RHOQ: variants seen among roughly 807,000 people sequenced by gnomAD.
The protein encoded by RHOQ is rho-related GTP-binding protein RhoQ.
Under a neutral mutation model 25.8 loss-of-function variants are expected in RHOQ, and 7 were observed. The ratio of observed to expected loss-of-function variants is 0.27; its 90% confidence interval spans 0.15 to 0.51. The LOEUF (loss-of-function observed/expected upper bound fraction) is 0.51, where lower values mean the gene tolerates loss of function less well. Ranked by LOEUF, RHOQ falls within the 20% of genes least tolerant of loss-of-function variation. The pLI, the probability that RHOQ is intolerant of heterozygous loss-of-function variation, is 0.97. For synonymous variants in RHOQ, 97 were observed against 98.6 expected (o/e 0.98, Z 0.10); for missense variants, 165 against 260.6 (o/e 0.63, Z 2.53).
intron 4 of RHOQ, among the ~76,000 whole-genome samples, chr2:46,578,642 G>GCTA (rs1669228411): frequency 7.1e-6 from 1 of 140,968 alleles, no homozygotes; most frequent in Non-Finnish European, 1.5e-5. Flanking sequence ...TGTAGTCCCA[G>GCTA]CTACTTGGGG....
At chr2:46,579,367 G>C (rs1055791540) in intron 4 of RHOQ, among the ~76,000 whole-genome samples, 1 of 152,188 alleles carries the variant, frequency 6.6e-6, no homozygotes, top group Non-Finnish European at 1.5e-5. Flanking sequence ...CAGTCTTGTA[G>C]CTTGCACAGT....
chr2:46,557,803 A>G lies in RHOQ; in HGVS notation c.201+13991A>G, dbSNP rs571822926. On this transcript the variant is annotated intron_variant, in intron 2 of 4. Coordinates refer to ENST00000238738, the MANE Select transcript of RHOQ (RefSeq NM_012249.4). ...AACTCTGCTGTTTATTTTGATAACA[A>G]ATATTCTCTGTTGAATTCACATGAT... Among the ~76,000 whole-genome samples, 13 of 152,332 alleles carry G rather than the reference A, an allele frequency of 8.5e-5. No individual in the cohort carries two copies. In the East Asian group the frequency reaches 2.3e-3, roughly 27 times the overall value.
rs576740123 is a variant in RHOQ, at chr2:46,566,623, G to A, written c.202-9464G>A. Among the ~76,000 whole-genome samples the A allele has an allele frequency of 2.6e-5, 4 of 152,072 alleles. No homozygotes were observed. The highest frequency in any genetic ancestry group is 1.3e-4 in the Admixed American group (2 of 15,280). ...TTTTCAAATTTTGTGACTTTTTTGC[G>A]GGGGTCGGGGGCTCACCTTTTAATG... On this transcript the variant is annotated intron_variant, in intron 2 of 4. Transcript: ENST00000238738. This position sits in a 1 kb window ranked among gnomAD's most constrained non-coding sequence, Gnocchi z 4.2.
intron 2 of RHOQ, among the ~76,000 whole-genome samples, chr2:46,546,458 A>ATGTG (rs1668049943): frequency 2.0e-4 from 1 of 5,110 alleles, no homozygotes; most frequent in African/African-American, 7.2e-4. Flanking sequence ...ATACATATAT[A>ATGTG]TATATATATA....
At chr2:46,560,814 T>TTA (rs1183412170) in intron 2 of RHOQ, 1 of 202,980 alleles carries the variant, frequency 4.9e-6, no homozygotes, top group East Asian at 1.3e-4. Context: ...CTCCATTAGG[T>TTA]TATAGCTTTC....
chr2:46,544,539 C>G (rs1667985946), intron 2 of RHOQ, among the ~76,000 whole-genome samples: 1 of 152,224 alleles, frequency 6.6e-6, no homozygotes. Flanking sequence ...TGCCCTGCAG[C>G]CTCTGGCCAG....
intron 1 of RHOQ, 156 bp from the exon 2 acceptor site, chr2:46,543,598 G>A: frequency 2.9e-6 from 2 of 678,702 alleles, no homozygotes; most frequent in Admixed American, 2.3e-5. Context: ...GGTTCACAGT[G>A]AGCTGGCCGC....
intron 2 of RHOQ, among the ~76,000 whole-genome samples, chr2:46,562,810 T>C (rs1668615381): frequency 6.6e-6 from 1 of 152,202 alleles, no homozygotes; most frequent in African/African-American, 2.4e-5. Context: ...TTGCCTGCCA[T>C]GTAAACCTAC....
rs1326779773 is a variant in RHOQ at position 46,552,173 on chromosome 2, G to A, written c.201+8361G>A. Among the ~76,000 whole-genome samples, 3 of 152,204 alleles carry A rather than the reference G, an allele frequency of 2.0e-5. No homozygotes were observed. Among genetic ancestry groups the A allele is most frequent in the Non-Finnish European group, 2.9e-5 (2 of 68,036 alleles). On this transcript the variant is annotated intron_variant, in intron 2 of 4. Coordinates refer to ENST00000238738, the MANE Select transcript of RHOQ (RefSeq NM_012249.4). This position sits in a 1 kb window ranked among gnomAD's most constrained non-coding sequence, Gnocchi z 5.0. ...GTGTATAGGTGGAACACGTAGGGAC[G>A]GCTGCTAAAACGGCTCCTACAAAGA...
At position 46,576,534 on chromosome 2, in the gene RHOQ, G is replaced by A. The variant is rs1455536277; in HGVS notation, c.367-27G>A. The A allele has an allele frequency of 2.3e-6, 3 of 1,323,038 alleles. No individual in the cohort carries two copies. Among genetic ancestry groups the A allele is most frequent in the South Asian group, 1.3e-5 (1 of 78,814 alleles). The allele number at this position is 1,323,038 out of a possible 1,614,324, so 82.0% of individuals were successfully genotyped here. ...TTTCTTTAAAGATTTGTAATATTAT[G>A]GGACATTATTGACCTTTCTTAATTA... On this transcript the variant is annotated intron_variant, in intron 3 of 4. Coordinates refer to ENST00000238738, the MANE Select transcript of RHOQ (RefSeq NM_012249.4). This position sits in a 1 kb window ranked among gnomAD's most constrained non-coding sequence, Gnocchi z 5.1.
In RHOQ at chr2:46,580,856, A is replaced by G; in HGVS notation, c.463-72A>G. On this transcript the variant is annotated intron_variant, in intron 4 of 4. Transcript: ENST00000238738. ...GCTGTATTTTATAATTTTCTTTATA[A>G]TGATGTGTTTATGTCATGCCAATTG... The G allele has an allele frequency of 1.9e-6, 2 of 1,057,946 alleles. 1 individual carries two copies. The allele number at this position is 1,057,946 out of a possible 1,614,324, so 65.5% of individuals were successfully genotyped here. A position where few individuals can be genotyped will look rare whatever the true frequency, so the allele number is the denominator to read the frequency against.
chr2:46,546,502 A>ACG (rs1668068388), intron 2 of RHOQ, among the ~76,000 whole-genome samples: 1 of 21,490 alleles, frequency 4.7e-5, no homozygotes, highest in Non-Finnish European at 8.5e-5. Flanking sequence ...ATATATATAT[A>ACG]TATATATATG....
chr2:46,581,616 A>G lies in RHOQ; in HGVS notation c.*533A>G. 1.2e-6 allele frequency: 2 copies of G among 1,604,682 alleles called. No homozygotes were observed. The highest frequency in any genetic ancestry group is 8.5e-7 in the Non-Finnish European group (1 of 1,175,942). The stretch of plus-strand genomic sequence containing the variant: ...CCTGAGGAGAGAATGTATGAGATCA[A>G]AAAAGAACAAATGTTTTATTATTAC... On this transcript the variant is annotated 3_prime_UTR_variant, in exon 5 of 5. Transcript: ENST00000238738.
At chr2:46,572,112 T>G (rs1403923291) in intron 2 of RHOQ, among the ~76,000 whole-genome samples, 3 of 129,912 alleles carry the variant, frequency 2.3e-5, no homozygotes, top group South Asian at 2.7e-4. Context: ...TGTGTGTTTT[T>G]TTTTTTTTTT....
intron 2 of RHOQ, among the ~76,000 whole-genome samples, chr2:46,570,618 T>A (rs958434171): frequency 2.6e-5 from 4 of 152,050 alleles, no homozygotes; most frequent in African/African-American, 9.7e-5. Flanking sequence ...GGTGGAGGGT[T>A]TCAAGAGCTC....
chr2:46,547,007 C>G (rs2103981413), intron 2 of RHOQ, among the ~76,000 whole-genome samples: 1 of 152,232 alleles, frequency 6.6e-6, no homozygotes, highest in East Asian at 1.9e-4. Flanking sequence ...CCTGTTGTAT[C>G]AGATGGTTTT....
chr2:46,549,251 C>A (rs1668165695), intron 2 of RHOQ, among the ~76,000 whole-genome samples: 1 of 152,152 alleles, frequency 6.6e-6, no homozygotes, highest in South Asian at 2.1e-4. Context: ...GGGGGAGTGA[C>A]AGCCTAAGGG....
At chr2:46,571,152 G>A (rs1321545821) in intron 2 of RHOQ, among the ~76,000 whole-genome samples, 1 of 152,168 alleles carries the variant, frequency 6.6e-6, no homozygotes, top group Admixed American at 6.5e-5. Flanking sequence ...TTTTCTTAGT[G>A]TCCCCTCATT....
chr2:46,560,171 G>T (rs1359537939), intron 2 of RHOQ, among the ~76,000 whole-genome samples: 1 of 152,234 alleles, frequency 6.6e-6, no homozygotes, highest in Non-Finnish European at 1.5e-5. Context: ...CTGCTGTGCA[G>T]TCCGGTGTTT....
Sources: allele counts gnomAD v4.1 joint callset (sites outside exome capture counted in the v4.1 genomes callset), GRCh38; gene constraint gnomAD v4.1.1; non-coding constraint Gnocchi (gnomAD v3.1); transcripts MANE v1.5; gene names NCBI Gene and HGNC (gene_info 2026-07-23, HGNC 2026-07-21).